The following RBFOX1 variants were observed in gnomAD, a reference collection of about 807,000 sequenced individuals.
RBFOX1 encodes RNA binding fox-1 homolog 1, also known as RNA binding protein fox-1 homolog 1.
In RBFOX1, 8 loss-of-function variants were observed where a neutral mutation model predicts 57.7. The ratio of observed to expected loss-of-function variants is 0.14; its 90% CI spans 0.08 to 0.25. RBFOX1 has a LOEUF of 0.25. Ranked by LOEUF, RBFOX1 falls within the 10% of genes least tolerant of loss-of-function variation. RBFOX1 has a pLI of 1.00. For missense variants in RBFOX1, 611 were observed against 548.5 expected, an observed-to-expected ratio of 1.11 and a Z score of -1.14; for synonymous variants, 326 against 222.4, an observed-to-expected ratio of 1.47 and a Z score of -4.15.
chr16:7,367,620 A>G (rs1016850198), intron 4 of RBFOX1, among the ~76,000 whole-genome samples: 1 of 152,160 alleles, frequency 6.6e-6, no homozygotes, highest in African/African-American at 2.4e-5. Context: ...GATGCTCACA[A>G]CATTCTGTAT....
At chr16:5,752,516 T>G (rs1352315283) in intron 3 of RBFOX1, among the ~76,000 whole-genome samples, 1 of 152,242 alleles carries the variant, frequency 6.6e-6, no homozygotes, top group Non-Finnish European at 1.5e-5. Context: ...CCTAGCTGTT[T>G]CACGCTGTTT....
rs569093384 is a variant in RBFOX1, at chr16:6,476,902, A to G, written c.-64+159845A>G. The stretch of plus-strand genomic sequence containing the variant: ...GTAATATTCTACATTCTTTGTTGTC[A>G]TTGCAACAAGGATCATAGTATCTTT... On this transcript the variant is annotated intron_variant, in intron 2 of 15. Coordinates refer to ENST00000550418, the MANE Select transcript of RBFOX1 (RefSeq NM_018723.4). Among the ~76,000 whole-genome samples the G allele has an allele frequency of 1.2e-4, 18 of 152,298 alleles. No homozygotes were observed. The East Asian group carries it at 2.7e-3, about 23-fold the overall frequency.
intron 4 of RBFOX1, among the ~76,000 whole-genome samples, chr16:7,435,516 C>G (rs192186180): frequency 6.5e-4 from 99 of 152,262 alleles, no homozygotes; most frequent in Non-Finnish European, 1.2e-3. Flanking sequence ...TTGACACTTA[C>G]GGGTGAGGTG....
At chr16:5,292,598 A>G (rs2063562162) in intron 1 of RBFOX1, among the ~76,000 whole-genome samples, 1 of 151,930 alleles carries the variant, frequency 6.6e-6, no homozygotes, top group Non-Finnish European at 1.5e-5. Context: ...GAGTCAATGG[A>G]GTGATTCTAG....
chr16:6,624,205 T>A (rs544366349), intron 2 of RBFOX1, among the ~76,000 whole-genome samples: 2 of 152,190 alleles, frequency 1.3e-5, no homozygotes, highest in Non-Finnish European at 2.9e-5. Context: ...AAGCACATGG[T>A]TACTGCCTTT....
At chr16:6,888,673 C>T (rs1485622365) in intron 3 of RBFOX1, among the ~76,000 whole-genome samples, 1 of 152,114 alleles carries the variant, frequency 6.6e-6, no homozygotes, top group Non-Finnish European at 1.5e-5. Flanking sequence ...CCAGATGTCT[C>T]CTGTATTCTA....
At chr16:5,687,803 G>C (rs1016792299) in intron 3 of RBFOX1, among the ~76,000 whole-genome samples, 1 of 152,116 alleles carries the variant, frequency 6.6e-6, no homozygotes, top group African/African-American at 2.4e-5. Context: ...GAAGTACCGG[G>C]TATGTATGGT....
At chr16:5,305,311 T>A (rs970082265) in intron 1 of RBFOX1, among the ~76,000 whole-genome samples, 1 of 152,146 alleles carries the variant, frequency 6.6e-6, no homozygotes, top group Non-Finnish European at 1.5e-5. Flanking sequence ...GCTTTTATTG[T>A]GATCAGCAAC....
chr16:5,695,943 G>T (rs1279556695), intron 3 of RBFOX1, among the ~76,000 whole-genome samples: 6 of 152,114 alleles, frequency 3.9e-5, no homozygotes, highest in African/African-American at 1.4e-4. Flanking sequence ...GATAAGAGAA[G>T]AATTTGCCCC....
intron 4 of RBFOX1, among the ~76,000 whole-genome samples, chr16:7,458,418 G>T (rs147065762): frequency 8.5e-5 from 13 of 152,256 alleles, no homozygotes; most frequent in African/African-American, 3.1e-4. Flanking sequence ...TTCATGTTCT[G>T]AGAAAGAAAA....
At chr16:6,460,969 C>G (rs1367475283) in intron 2 of RBFOX1, among the ~76,000 whole-genome samples, 3 of 152,174 alleles carry the variant, frequency 2.0e-5, no homozygotes, top group Non-Finnish European at 1.5e-5. Flanking sequence ...ATGGATGAAA[C>G]TGGAAGCCAT....
chr16:5,566,200 A>G (rs563238007), intron 2 of RBFOX1, among the ~76,000 whole-genome samples: 1 of 152,162 alleles, frequency 6.6e-6, no homozygotes, highest in East Asian at 1.9e-4. Context: ...TACAATGGGG[A>G]TGTGAATCCG....
chr16:6,882,449 C>G (rs2063142082), intron 3 of RBFOX1, among the ~76,000 whole-genome samples: 1 of 152,086 alleles, frequency 6.6e-6, no homozygotes, highest in Non-Finnish European at 1.5e-5. Flanking sequence ...ACAAAATTAT[C>G]TGGGCATGGT....
chr16:5,734,718 T>C (rs1422602822), intron 3 of RBFOX1, among the ~76,000 whole-genome samples: 2 of 152,182 alleles, frequency 1.3e-5, no homozygotes, highest in African/African-American at 4.8e-5. Flanking sequence ...TGACTTTACA[T>C]GCTGGCTTCC....
At chr16:6,670,530 C>T (rs960239878) in intron 3 of RBFOX1, among the ~76,000 whole-genome samples, 10 of 152,094 alleles carry the variant, frequency 6.6e-5, no homozygotes, top group Non-Finnish European at 1.3e-4. Context: ...AGAAAACATA[C>T]CCCCAAAGAA....
At chr16:6,940,973 C>A (rs922876277) in intron 3 of RBFOX1, among the ~76,000 whole-genome samples, 1 of 151,826 alleles carries the variant, frequency 6.6e-6, no homozygotes. Flanking sequence ...TCTCAAAGTG[C>A]TGGGATTACA....
intron 1 of RBFOX1, among the ~76,000 whole-genome samples, chr16:6,161,516 A>T (rs2096879147): frequency 6.6e-6 from 1 of 152,188 alleles, no homozygotes; most frequent in South Asian, 2.1e-4. Flanking sequence ...TGTCCTGCAG[A>T]GAAAACCTCA....
At chr16:5,977,607 A>G (rs2060091153) in intron 4 of RBFOX1, among the ~76,000 whole-genome samples, 1 of 152,218 alleles carries the variant, frequency 6.6e-6, no homozygotes. Flanking sequence ...AACAACTGCA[A>G]GGCTGCTGCT....
At chr16:5,970,044 T>C (rs2059932213) in intron 4 of RBFOX1, among the ~76,000 whole-genome samples, 1 of 152,104 alleles carries the variant, frequency 6.6e-6, no homozygotes, top group Non-Finnish European at 1.5e-5. Flanking sequence ...TGTCTTCAGA[T>C]TGGCACTCTA....
Sources: gnomAD v4.1 joint callset for allele counts (sites outside exome capture counted in the v4.1 genomes callset) on GRCh38, gnomAD v4.1.1 for gene constraint, MANE v1.5 for transcripts, NCBI Gene and HGNC (gene_info 2026-07-23, HGNC 2026-07-21) for gene names.